Variants in LTBP1 observed in about 807,000 individuals in gnomAD.
The protein encoded by LTBP1 is latent transforming growth factor beta binding protein 1.
In LTBP1, 129 loss-of-function variants were observed where a neutral mutation model predicts 207.6. The observed-to-expected ratio is 0.62, with a 90% CI of 0.54 to 0.72. The LOEUF (loss-of-function observed/expected upper bound fraction) is 0.72, where lower values mean the gene tolerates loss of function less well. Among genes scored for constraint, LTBP1 ranks in the 30% least tolerant of loss-of-function variants. The pLI is 0.00. For synonymous variants in LTBP1, 963 were observed against 833.7 expected (o/e 1.16, Z -2.67); for missense variants, 2,281 against 2,217.2 (o/e 1.03, Z -0.58).
chr2:32,980,166 G>A (rs1335353155), intron 2 of LTBP1, among the ~76,000 whole-genome samples: 1 of 151,996 alleles, frequency 6.6e-6, no homozygotes, highest in Non-Finnish European at 1.5e-5. Context: ...TACATTCAGT[G>A]TTGTTATTGT....
intron 24 of LTBP1, among the ~76,000 whole-genome samples, chr2:33,335,174 GAAAA>G (rs201701995): frequency 8.5e-6 from 1 of 118,056 alleles, no homozygotes; most frequent in Admixed American, 8.7e-5. Context: ...CCATGCTGGG[GAAAA>G]AAAAAAAAAA....
chr2:33,285,610 G>A (rs539158554), intron 19 of LTBP1, among the ~76,000 whole-genome samples: 10 of 151,430 alleles, frequency 6.6e-5, no homozygotes, highest in East Asian at 5.9e-4. Context: ...CATTATGCCC[G>A]GCTAATTTTT....
At chr2:33,098,891 C>T (rs1361054910) in intron 3 of LTBP1, among the ~76,000 whole-genome samples, 1 of 152,182 alleles carries the variant, frequency 6.6e-6, no homozygotes, top group African/African-American at 2.4e-5. Context: ...CTACCTTCAC[C>T]ATGTTCTCTG....
At position 33,066,430 on chromosome 2, in the gene LTBP1, G is replaced by A. The variant is rs79417808; in HGVS notation, c.864-44152G>A. Reference sequence around the variant, plus strand: ...TTAGAAATTGTCAGTGTTTTTAGTGGCATGTGTATTAACTTACAGTGACTT... The same window carrying A: ...TTAGAAATTGTCAGTGTTTTTAGTGACATGTGTATTAACTTACAGTGACTT... On this transcript the variant is annotated intron_variant, in intron 3 of 33. Coordinates refer to ENST00000404816, the MANE Select transcript of LTBP1 (RefSeq NM_206943.4). Among the ~76,000 whole-genome samples, 37 of 152,238 alleles carry A rather than the reference G, an allele frequency of 2.4e-4. 1 individual carries two copies. The East Asian group carries it at 7.2e-3, about 29-fold the overall frequency.
chr2:33,044,034 G>C (rs1472390978), intron 3 of LTBP1, among the ~76,000 whole-genome samples: 1 of 148,304 alleles, frequency 6.7e-6, no homozygotes, highest in Non-Finnish European at 1.5e-5. Context: ...ATAGATTTCT[G>C]TTCGTTTTTT....
At chr2:33,095,356 A>G (rs534057211) in intron 3 of LTBP1, among the ~76,000 whole-genome samples, 221 of 152,328 alleles carry the variant, frequency 1.5e-3, no homozygotes, top group Admixed American at 2.4e-3. Flanking sequence ...TTCTTGGCTG[A>G]TCCTGGGGAG....
intron 3 of LTBP1, among the ~76,000 whole-genome samples, chr2:33,058,126 A>G (rs2077097236): frequency 6.6e-6 from 1 of 152,224 alleles, no homozygotes; most frequent in African/African-American, 2.4e-5. Flanking sequence ...CGGGCCATTT[A>G]ACAGTTAATG....
At chr2:33,365,054 G>A (rs189684937) in intron 30 of LTBP1, among the ~76,000 whole-genome samples, 150 of 152,254 alleles carry the variant, frequency 9.9e-4, no homozygotes, top group African/African-American at 3.1e-3. Flanking sequence ...GCTTATGAAG[G>A]ACAAGCAAGA....
chr2:33,258,825 T>C (rs1232693742), intron 12 of LTBP1, among the ~76,000 whole-genome samples: 1 of 152,234 alleles, frequency 6.6e-6, no homozygotes, highest in Non-Finnish European at 1.5e-5. Context: ...CTAATGTTTT[T>C]ACAGGAGACA....
rs1217129451 is a variant in LTBP1, at chr2:33,217,601, C to G, written c.1751C>G (p.Thr584Ser). The change falls in exon 8 of 34, where the codon ACT becomes AGT. Residue 584 changes from threonine to serine, a missense_variant. Physicochemically the swap from Thr to Ser is moderately conservative, Grantham distance 58. Around this residue, in one of 3 missense-constraint regions of LTBP1, gnomAD observed 1,671 missense variants for 1,634.8 expected, o/e 1.02. Transcript: ENST00000404816. The stretch of plus-strand genomic sequence containing the variant: ...TCAAAGCAAGAGGACTGCTGTGGAA[C>G]TGTGGGTACCTCCTGGGGCTTTAAC... ...GLSKQEDCCGTVGTSWGFNKC... is the reference protein window; with the variant it reads ...GLSKQEDCCGSVGTSWGFNKC... 4 of 1,613,846 alleles carry G rather than the reference C, an allele frequency of 2.5e-6. No individual in the cohort carries two copies. Among genetic ancestry groups the G allele is most frequent in the African/African-American group, 2.7e-5 (2 of 74,924 alleles).
At chr2:33,270,304 A>G (rs188923312) in intron 15 of LTBP1, among the ~76,000 whole-genome samples, 2 of 152,060 alleles carry the variant, frequency 1.3e-5, no homozygotes, top group African/African-American at 2.4e-5. Context: ...CTGTCTGCCT[A>G]CAAGAGTGGA....
rs1016775544 is a variant in LTBP1 at position 33,220,889 on chromosome 2, A to G, written c.1805-1191A>G. ...GGGAATCTGAAGAGAGGGGAAATAC[A>G]GCAAAGAAAAGAATTGAAGGAGAAG... On this transcript the variant is annotated intron_variant, in intron 8 of 33. Coordinates refer to ENST00000404816, the MANE Select transcript of LTBP1 (RefSeq NM_206943.4). Among the ~76,000 whole-genome samples the G allele has an allele frequency of 3.3e-5, 5 of 152,240 alleles. No individual in the cohort carries two copies. In the East Asian group the frequency reaches 9.6e-4, roughly 29 times the overall value.
At chr2:32,953,277 G>T (rs374497771) in intron 2 of LTBP1, among the ~76,000 whole-genome samples, 10 of 152,216 alleles carry the variant, frequency 6.6e-5, no homozygotes, top group African/African-American at 9.6e-5. Context: ...CTAGAGAACG[G>T]TCTCAGGCTG....
chr2:33,186,555 A>G (rs1004569478), intron 5 of LTBP1, among the ~76,000 whole-genome samples: 4 of 152,202 alleles, frequency 2.6e-5, no homozygotes, highest in African/African-American at 4.8e-5. Context: ...GTGGTAGACA[A>G]TCATCTTGAG....
At position 32,947,702 on chromosome 2, in the gene LTBP1, G is replaced by A; in HGVS notation, c.378G>A (p.Pro126=). The A allele has an allele frequency of 6.6e-7, 1 of 1,521,960 alleles. No homozygotes were observed. The highest frequency in any genetic ancestry group is 1.2e-5 in the South Asian group (1 of 81,298). The allele number at this position is 1,521,960 out of a possible 1,614,324, so 94.3% of individuals were successfully genotyped here. ...GQLHPNPGGH[P]AAAPFTKQGR... ...TCCACCCCAATCCCGGCGGCCACCC[G>A]GCAGCCGCCCCGTTCACCAAACAAG... The change falls in exon 1 of 34, where the codon CCG becomes CCA. Residue 126 remains proline (P), a synonymous_variant. Coordinates refer to ENST00000404816, the MANE Select transcript of LTBP1 (RefSeq NM_206943.4).
intron 4 of LTBP1, among the ~76,000 whole-genome samples, chr2:33,130,808 T>C (rs2081746235): frequency 6.6e-6 from 1 of 152,204 alleles, no homozygotes; most frequent in Non-Finnish European, 1.5e-5. Flanking sequence ...AATCTGTGCC[T>C]CTAGCCAAGG....
At chr2:33,343,329 T>G (rs942220983) in intron 25 of LTBP1, among the ~76,000 whole-genome samples, 1 of 150,556 alleles carries the variant, frequency 6.6e-6, no homozygotes, top group African/African-American at 2.5e-5. Context: ...GAGGATCTCA[T>G]GTGCCCAGGA....
intron 2 of LTBP1, among the ~76,000 whole-genome samples, chr2:32,955,628 A>AG (rs1178960071): frequency 1.1e-5 from 1 of 94,878 alleles, no homozygotes; most frequent in Non-Finnish European, 2.6e-5. Flanking sequence ...TTTTTTCCAC[A>AG]AATTTTTTTT....
At chr2:33,385,718 A>C (rs1342927595) in intron 31 of LTBP1, among the ~76,000 whole-genome samples, 1 of 152,214 alleles carries the variant, frequency 6.6e-6, no homozygotes, top group East Asian at 1.9e-4. Context: ...GCCAAGAATC[A>C]GGGCAGATGT....
Sources: gnomAD v4.1 joint callset for allele counts (sites outside exome capture counted in the v4.1 genomes callset) on GRCh38, gnomAD v4.1.1 for gene constraint, gnomAD v4.1.1 regional missense constraint, MANE v1.5 for transcripts, NCBI Gene and HGNC (gene_info 2026-07-23, HGNC 2026-07-21) for gene names.